The following KIAA0586 variants were observed in gnomAD, a reference collection of about 807,000 sequenced individuals.
The protein encoded by KIAA0586 is KIAA0586.
Under a neutral mutation model 169.8 loss-of-function variants are expected in KIAA0586, and 144 were observed. That is an observed-to-expected ratio of 0.85 (90% confidence interval 0.74 to 0.97). The LOEUF is 0.97. Among genes scored for constraint, KIAA0586 ranks in the 50% least tolerant of loss-of-function variants. KIAA0586 has a pLI of 0.00. For missense variants in KIAA0586, 1,854 were observed against 1,823.0 expected (o/e 1.02, Z -0.31); for synonymous variants, 625 against 612.4 (o/e 1.02, Z -0.30).
intron 9 of KIAA0586, among the ~76,000 whole-genome samples, chr14:58,454,647 C>T (rs1374833043): frequency 1.3e-5 from 2 of 152,108 alleles, no homozygotes; most frequent in Non-Finnish European, 2.9e-5. Context: ...TAATTTCTTT[C>T]TCACTTTTTC....
chr14:58,486,241 T>C (rs1396636321), intron 21 of KIAA0586, among the ~76,000 whole-genome samples: 1 of 152,224 alleles, frequency 6.6e-6, no homozygotes, highest in Non-Finnish European at 1.5e-5. Flanking sequence ...TTCAGAATTA[T>C]GGCCTCCAGC....
chr14:58,547,748 A>G (rs2047070102), intron 30 of KIAA0586, 33 bp from the exon 31 acceptor site: 1 of 1,601,976 alleles, frequency 6.2e-7, no homozygotes, highest in Non-Finnish European at 8.5e-7. Flanking sequence ...CAGGTTACGC[A>G]TGTTGAGCTG....
At position 58,458,701 on chromosome 14, in the gene KIAA0586, G is replaced by A. The variant is rs3736892; in HGVS notation, c.1656+156G>A. 0.27 allele frequency among the ~76,000 whole-genome samples: 41,278 copies of A among 151,980 alleles called. 5,664 individuals carry two copies. Among genetic ancestry groups the A allele is most frequent in the East Asian group, 0.37 (1,890 of 5,174 alleles). On this transcript the variant is annotated intron_variant, in intron 12 of 30. Transcript: ENST00000652326. ...ACTCTTTATATTTACTTAGTAATAA[G>A]TTTAGCTTTGTTTAACAAGTATATT...
chr14:58,466,844 T>G lies in KIAA0586; in HGVS notation c.2254+815T>G, dbSNP rs558614897. 2.5e-3 allele frequency among the ~76,000 whole-genome samples: 382 copies of G among 152,332 alleles called. 1 individual carries two copies. The highest frequency in any genetic ancestry group is 4.6e-3 in the Non-Finnish European group (316 of 68,020). ...GTATTAAGGTACTTTTTTTTGTACT[T>G]TTGAACTAGGCTATCATAAGTGAAA... On this transcript the variant is annotated intron_variant, in intron 15 of 30. Coordinates refer to ENST00000652326, the MANE Select transcript of KIAA0586 (RefSeq NM_001329943.3).
intron 27 of KIAA0586, among the ~76,000 whole-genome samples, chr14:58,504,384 G>T (rs1595407333): frequency 6.6e-6 from 1 of 152,166 alleles, no homozygotes; most frequent in East Asian, 1.9e-4. Context: ...GGTCATCTCA[G>T]TCACTGAGAG....
At chr14:58,454,244 A>G (rs1281928747) in intron 9 of KIAA0586, among the ~76,000 whole-genome samples, 3 of 152,200 alleles carry the variant, frequency 2.0e-5, no homozygotes, top group African/African-American at 7.2e-5. Context: ...TATTAATTTA[A>G]AGCAATCTAA....
rs183496394 is a variant in KIAA0586, at chr14:58,524,208, G to A, written c.4429+11581G>A. Among the ~76,000 whole-genome samples, 25 of 152,272 alleles carry A rather than the reference G, an allele frequency of 1.6e-4. 1 individual carries two copies. In the East Asian group the frequency reaches 4.8e-3, roughly 29 times the overall value. On this transcript the variant is annotated intron_variant, in intron 29 of 30. Transcript: ENST00000652326. ...GTGAGTGATCTCTCCATTCAGAAGTGTGCAGTCTTAATGTATGGCTGTAAG... is the reference window on the plus strand; with the variant it reads ...GTGAGTGATCTCTCCATTCAGAAGTATGCAGTCTTAATGTATGGCTGTAAG...
intron 29 of KIAA0586, among the ~76,000 whole-genome samples, chr14:58,532,035 G>A (rs1379557428): frequency 8.6e-5 from 13 of 152,042 alleles, no homozygotes; most frequent in Admixed American, 7.2e-4. Flanking sequence ...GGGCCTGTCG[G>A]GGGGTGGGGG....
chr14:58,474,922 C>G (rs1453647321), intron 19 of KIAA0586, 125 bp downstream of exon 19: 1 of 736,908 alleles, frequency 1.4e-6, no homozygotes, highest in Non-Finnish European at 2.1e-6. Context: ...GCTTTAGTCA[C>G]TGGAAAGTGT....
downstream of KIAA0586, chr14:58,551,424 G>A (rs1350778189): frequency 1.3e-5 from 2 of 152,132 alleles, no homozygotes; most frequent in East Asian, 1.9e-4. Context: ...AAGTAAAGTA[G>A]CATTTTTAAG....
intron 29 of KIAA0586, among the ~76,000 whole-genome samples, chr14:58,517,732 C>G (rs900910476): frequency 1.3e-5 from 2 of 152,138 alleles, no homozygotes; most frequent in Non-Finnish European, 1.5e-5. Flanking sequence ...AAATGTCCTT[C>G]AACAAGTAAA....
intron 27 of KIAA0586, among the ~76,000 whole-genome samples, chr14:58,499,774 G>T (rs967737675): frequency 6.6e-6 from 1 of 151,190 alleles, no homozygotes; most frequent in East Asian, 2.0e-4. Flanking sequence ...GGCCAGGCTG[G>T]TCTCGAACTC....
chr14:58,492,150 GA>G lies in KIAA0586; in HGVS notation c.3866del (p.Asp1289ValfsTer8). 6.6e-7 allele frequency: 1 copy of G among 1,520,072 alleles called. No individual in the cohort carries two copies. Among genetic ancestry groups the G allele is most frequent in the Admixed American group, 2.3e-5 (1 of 43,750 alleles). 94.2% of individuals were successfully genotyped at this position (1,520,072 alleles called of 1,614,324 possible). The part of the protein sequence containing the change: ...TLHDAVEMED[D>X]PPSEGQVIRM... ...GTCTTTATGTTTCTTTTAGGAGGAT[GA>G]TCCTCCTAGTGAAGGGCAAGTGATT... On this transcript the variant is annotated frameshift_variant, in exon 26 of 31. Transcript: ENST00000652326. LOFTEE classifies it high-confidence loss of function.
At chr14:58,446,341 C>G (rs565501267) in intron 6 of KIAA0586, among the ~76,000 whole-genome samples, 28 of 151,618 alleles carry the variant, frequency 1.8e-4, no homozygotes, top group African/African-American at 6.5e-4. Flanking sequence ...ACCAAAGATA[C>G]AAAAAATTAG....
chr14:58,487,313 CTA>C, intron 22 of KIAA0586, 147 bp downstream of exon 22: 1 of 740,290 alleles, frequency 1.4e-6, no homozygotes, highest in Non-Finnish European at 2.1e-6. Flanking sequence ...TCTTAAAAGT[CTA>C]TAATTGAGGC....
chr14:58,439,163 AC>A (rs1314597457), intron 4 of KIAA0586, among the ~76,000 whole-genome samples: 1 of 152,002 alleles, frequency 6.6e-6, no homozygotes, highest in African/African-American at 2.4e-5. Flanking sequence ...AAATCCTGTT[AC>A]CTCTGTGGAC....
chr14:58,446,817 T>C (rs1437958709), intron 6 of KIAA0586, among the ~76,000 whole-genome samples: 1 of 152,150 alleles, frequency 6.6e-6, no homozygotes, highest in Non-Finnish European at 1.5e-5. Context: ...CGCAGCAAAT[T>C]ATCTAGTGAG....
intron 26 of KIAA0586, among the ~76,000 whole-genome samples, chr14:58,497,402 C>G (rs1309996345): frequency 2.6e-5 from 4 of 151,466 alleles, no homozygotes; most frequent in Admixed American, 1.3e-4. Flanking sequence ...CTCTGTCGCC[C>G]AGGCTGGAGT....
chr14:58,474,617 A>C lies in KIAA0586; in HGVS notation c.2645A>C (p.Lys882Thr), dbSNP rs777846659. The C allele has an allele frequency of 3.8e-6, 6 of 1,580,242 alleles. No individual in the cohort carries two copies. The South Asian group carries it at 5.9e-5, about 15-fold the overall frequency. Residue 882 changes from lysine to threonine, a missense_variant, in exon 19 of 31, where the codon AAA (lysine) becomes ACA (threonine). By Grantham distance (78) the Lys-to-Thr change is moderately conservative. Transcript: ENST00000652326. Reference protein sequence around the residue: ...EIIDVIQEEEKCDEIPDSEPI... With the variant: ...EIIDVIQEEETCDEIPDSEPI... ...TTTTGTTACTACCAGGAAGAAGAAA[A>C]ATGTGATGAAATTCCAGACTCTGAA...
Sources: allele counts gnomAD v4.1 joint callset (sites outside exome capture counted in the v4.1 genomes callset), GRCh38; gene constraint gnomAD v4.1.1; transcripts MANE v1.5; gene names NCBI Gene and HGNC (gene_info 2026-07-23, HGNC 2026-07-21).